Variants in ARID2 observed in about 807,000 individuals in gnomAD.
ARID2 encodes AT-rich interactive domain-containing protein 2.
Under a neutral mutation model 184.6 loss-of-function variants are expected in ARID2, and 32 were observed. That is an observed-to-expected ratio of 0.17 (90% CI 0.13 to 0.23). The LOEUF is 0.23. Among genes scored for constraint, ARID2 ranks in the 10% least tolerant of loss-of-function variants. The pLI is 1.00. For missense variants in ARID2, 1,696 were observed against 2,197.6 expected (o/e 0.77, Z 4.56); for synonymous variants, 836 against 772.6 (o/e 1.08, Z -1.36).
chr12:45,779,755 A>T (rs1002924708), intron 3 of ARID2, among the ~76,000 whole-genome samples: 1 of 152,048 alleles, frequency 6.6e-6, no homozygotes, highest in Non-Finnish European at 1.5e-5. Flanking sequence ...TTTATTCAAT[A>T]ATATTATTGA....
intron 15 of ARID2, among the ~76,000 whole-genome samples, chr12:45,859,174 C>A (rs952711150): frequency 6.6e-6 from 1 of 152,216 alleles, no homozygotes; most frequent in Non-Finnish European, 1.5e-5. Context: ...GGATGGACCA[C>A]ATAATACAAC....
chr12:45,798,091 G>C (rs898741011), intron 3 of ARID2, among the ~76,000 whole-genome samples: 1 of 151,978 alleles, frequency 6.6e-6, no homozygotes, highest in Admixed American at 6.6e-5. Context: ...CAGTTGCTCT[G>C]TACCCTTTTT....
chr12:45,867,753 A>G (rs376560952), intron 16 of ARID2, among the ~76,000 whole-genome samples: 1 of 151,736 alleles, frequency 6.6e-6, no homozygotes, highest in African/African-American at 2.4e-5. Context: ...AAAAAAAAAA[A>G]AAAGAAAAAA....
intron 3 of ARID2, among the ~76,000 whole-genome samples, chr12:45,758,993 T>TA (rs1369473917): frequency 6.6e-6 from 1 of 152,102 alleles, no homozygotes; most frequent in African/African-American, 2.4e-5. Context: ...TCTGTTGTGA[T>TA]AAAAGACACG....
rs1392631071 is a variant in ARID2 at position 45,851,762 on chromosome 12, A to G, written c.3639A>G (p.Pro1213=). 1.2e-6 allele frequency: 2 copies of G among 1,614,052 alleles called. No homozygotes were observed. Among genetic ancestry groups the G allele is most frequent in the East Asian group, 2.2e-5 (1 of 44,880 alleles). Residue 1213 remains proline, a synonymous_variant, in exon 15 of 21, where the codon CCA becomes CCG. Transcript: ENST00000334344. Reference sequence around the variant, plus strand: ...GAACGCAGACAGGAGTTGGACTTCCAGTACAAACGCTTCCAGCCACTCAAG... The same window carrying G: ...GAACGCAGACAGGAGTTGGACTTCCGGTACAAACGCTTCCAGCCACTCAAG... The part of the protein sequence containing the change: ...MSGTQTGVGL[P]VQTLPATQAS...
intron 16 of ARID2, among the ~76,000 whole-genome samples, chr12:45,869,759 T>C (rs1346980688): frequency 6.6e-6 from 1 of 151,464 alleles, no homozygotes; most frequent in Non-Finnish European, 1.5e-5. Context: ...GGCGGGCGAC[T>C]GTAATCCCAG....
chr12:45,897,398 G>T (rs192242228), intron 20 of ARID2, among the ~76,000 whole-genome samples: 1 of 152,132 alleles, frequency 6.6e-6, no homozygotes, highest in Non-Finnish European at 1.5e-5. Flanking sequence ...ACTGTACTTC[G>T]TCAAAATTTG....
At chr12:45,768,890 T>G (rs918396653) in intron 3 of ARID2, among the ~76,000 whole-genome samples, 1 of 152,088 alleles carries the variant, frequency 6.6e-6, no homozygotes, top group Admixed American at 6.6e-5. Flanking sequence ...CTGGATGTGG[T>G]CAAAGAAAGA....
At chr12:45,739,872 C>T (rs1326038557) in intron 3 of ARID2, among the ~76,000 whole-genome samples, 2 of 152,078 alleles carry the variant, frequency 1.3e-5, no homozygotes, top group Non-Finnish European at 1.5e-5. Flanking sequence ...CCAGAAAATA[C>T]CTAATTTGTA....
At chr12:45,764,455 C>A (rs1201306821) in intron 3 of ARID2, among the ~76,000 whole-genome samples, 2 of 152,100 alleles carry the variant, frequency 1.3e-5, no homozygotes, top group Admixed American at 1.3e-4. Flanking sequence ...GTGTAAGAAC[C>A]ACCAAAATGA....
intron 20 of ARID2, among the ~76,000 whole-genome samples, chr12:45,903,951 A>T (rs1192207749): frequency 6.6e-6 from 1 of 152,146 alleles, no homozygotes; most frequent in East Asian, 1.9e-4. Context: ...TATTACCATG[A>T]ATATTTTAGT....
chr12:45,839,585 A>G (rs1943300302), intron 11 of ARID2, 89 bp downstream of exon 11: 1 of 1,446,492 alleles, frequency 6.9e-7, no homozygotes, highest in Middle Eastern at 1.8e-4. Context: ...AGTATAGAGA[A>G]CTGATATTTT....
chr12:45,784,250 G>GC (rs200676231), intron 3 of ARID2, among the ~76,000 whole-genome samples: 2,075 of 151,944 alleles, frequency 0.014, 25 homozygotes, highest in Non-Finnish European at 0.021. Flanking sequence ...TGAACACCTG[G>GC]CCCCAAGTGA....
At chr12:45,870,519 T>C (rs1204786771) in intron 16 of ARID2, among the ~76,000 whole-genome samples, 1 of 152,160 alleles carries the variant, frequency 6.6e-6, no homozygotes, top group African/African-American at 2.4e-5. Flanking sequence ...TTTTGACAAA[T>C]GCGTAATGTC....
At chr12:45,757,898 G>A (rs1217224294) in intron 3 of ARID2, among the ~76,000 whole-genome samples, 3 of 152,144 alleles carry the variant, frequency 2.0e-5, no homozygotes, top group African/African-American at 4.8e-5. Flanking sequence ...TAGACATGGT[G>A]CTTGCTTCAA....
chr12:45,870,268 G>A (rs1043405140), intron 16 of ARID2, among the ~76,000 whole-genome samples: 2 of 152,110 alleles, frequency 1.3e-5, no homozygotes, highest in African/African-American at 4.8e-5. Context: ...GATTACAGGC[G>A]TGAGCCACTG....
At chr12:45,757,961 A>T (rs1409114833) in intron 3 of ARID2, among the ~76,000 whole-genome samples, 1 of 152,232 alleles carries the variant, frequency 6.6e-6, no homozygotes, top group African/African-American at 2.4e-5. Context: ...ATATTTTCTA[A>T]TAAATTCCTT....
intron 20 of ARID2, among the ~76,000 whole-genome samples, chr12:45,898,292 G>A (rs1457141106): frequency 6.6e-6 from 1 of 152,192 alleles, no homozygotes; most frequent in Non-Finnish European, 1.5e-5. Flanking sequence ...CAGGAATGGA[G>A]AGTTACTGTT....
At chr12:45,902,422 A>T (rs191520656) in intron 20 of ARID2, among the ~76,000 whole-genome samples, 1 of 152,198 alleles carries the variant, frequency 6.6e-6, no homozygotes, top group South Asian at 2.1e-4. Context: ...ACTTTGAAAA[A>T]TATGATTTTG....
Sources: gnomAD v4.1 joint callset for allele counts (sites outside exome capture counted in the v4.1 genomes callset) on GRCh38, gnomAD v4.1.1 for gene constraint, MANE v1.5 for transcripts, NCBI Gene and HGNC (gene_info 2026-07-23, HGNC 2026-07-21) for gene names.